The following APBA1 variants were observed in gnomAD, a reference collection of about 807,000 sequenced individuals.
The protein encoded by APBA1 is amyloid beta precursor protein binding family A member 1.
APBA1 carries 55 observed loss-of-function variants against 86.6 expected under a neutral mutation model. The observed-to-expected ratio is 0.64, with a 90% CI of 0.51 to 0.80. The LOEUF (loss-of-function observed/expected upper bound fraction) is 0.80. Ranked by LOEUF, APBA1 falls within the 30% of genes least tolerant of loss-of-function variation. APBA1 has a pLI of 0.00. For synonymous variants in APBA1, 511 were observed against 493.9 expected (o/e 1.03, Z -0.46); for missense variants, 1,090 against 1,183.0 (o/e 0.92, Z 1.15).
intron 8 of APBA1, among the ~76,000 whole-genome samples, chr9:69,455,333 T>C (rs531047950): frequency 6.6e-4 from 100 of 152,070 alleles, no homozygotes; most frequent in African/African-American, 2.3e-3. Context: ...AAAATTACTA[T>C]AGGGCTGTGG....
chr9:69,497,528 A>G (rs1475641), intron 2 of APBA1, among the ~76,000 whole-genome samples: 57,112 of 152,038 alleles, frequency 0.38, 12,360 homozygotes, highest in Non-Finnish European at 0.47. Context: ...CTCCATCCCC[A>G]AAGTCCGAGA....
intron 1 of APBA1, among the ~76,000 whole-genome samples, chr9:69,522,074 C>T (rs931763700): frequency 2.0e-5 from 3 of 151,006 alleles, no homozygotes; most frequent in African/African-American, 7.3e-5. Flanking sequence ...TTTATACACA[C>T]ACACACACAC....
chr9:69,611,921 T>C (rs1168889158), intron 1 of APBA1, among the ~76,000 whole-genome samples: 2 of 152,162 alleles, frequency 1.3e-5, no homozygotes, highest in Non-Finnish European at 2.9e-5. Flanking sequence ...AGTAAATAAT[T>C]AACAAATAAG....
At chr9:69,563,030 A>G (rs1836971559) in intron 1 of APBA1, among the ~76,000 whole-genome samples, 1 of 152,234 alleles carries the variant, frequency 6.6e-6, no homozygotes, top group African/African-American at 2.4e-5. Flanking sequence ...GAATCTAGTC[A>G]TCTCAAGATG....
rs1488495816 is a variant in APBA1, at chr9:69,656,991, G to A, written c.-70+15162C>T. 8.5e-5 allele frequency among the ~76,000 whole-genome samples: 13 copies of A among 152,158 alleles called. 1 individual carries two copies. In the South Asian group the frequency reaches 1.9e-3, roughly 22 times the overall value. On this transcript the variant is annotated intron_variant, in intron 1 of 12. Transcript: ENST00000265381. ...CTCCCGAGTAGCTGGGACTACAGGC[G>A]CCCGCCACCGCGCCCGGCTAATTTT... is the stretch of plus-strand genomic sequence containing the variant.
intron 1 of APBA1, among the ~76,000 whole-genome samples, chr9:69,636,000 C>T (rs561662575): frequency 6.6e-6 from 1 of 152,064 alleles, no homozygotes; most frequent in Admixed American, 6.6e-5. Context: ...AAAATATTTG[C>T]AAACTACCCA....
At chr9:69,450,751 T>C (rs1489038869) in intron 9 of APBA1, among the ~76,000 whole-genome samples, 1 of 152,154 alleles carries the variant, frequency 6.6e-6, no homozygotes, top group Non-Finnish European at 1.5e-5. Context: ...AATGAGGTGA[T>C]TAATATGGAC....
At chr9:69,460,136 T>C (rs1400470643) in intron 5 of APBA1, among the ~76,000 whole-genome samples, 2 of 152,162 alleles carry the variant, frequency 1.3e-5, no homozygotes, top group African/African-American at 4.8e-5. Context: ...TACTACCTCA[T>C]TGTAGAGAAA....
chr9:69,545,668 T>C (rs1338655204), intron 1 of APBA1, among the ~76,000 whole-genome samples: 1 of 152,248 alleles, frequency 6.6e-6, no homozygotes, highest in Non-Finnish European at 1.5e-5. Context: ...CCTATTCTGC[T>C]ACAATTTGTA....
At chr9:69,593,941 A>G (rs897447212) in intron 1 of APBA1, among the ~76,000 whole-genome samples, 4 of 152,188 alleles carry the variant, frequency 2.6e-5, no homozygotes, top group African/African-American at 9.7e-5. Flanking sequence ...TTAACTTTCT[A>G]TAGATTCCAA....
At position 69,587,112 on chromosome 9, in the gene APBA1, C is replaced by T. The variant is rs137936968; in HGVS notation, c.-69-69833G>A. 2.5e-3 allele frequency among the ~76,000 whole-genome samples: 378 copies of T among 152,310 alleles called. 3 individuals carry two copies. The highest frequency in any genetic ancestry group is 7.6e-3 in the African/African-American group (318 of 41,576). On this transcript the variant is annotated intron_variant, in intron 1 of 12. Coordinates refer to ENST00000265381, the MANE Select transcript of APBA1 (RefSeq NM_001163.4). ...TTTTTGCCACTGGCATCCATTCATCCTACTTCCCACAAGAGCTTTTTAAAG... is the reference window on the plus strand; with the variant it reads ...TTTTTGCCACTGGCATCCATTCATCTTACTTCCCACAAGAGCTTTTTAAAG...
chr9:69,432,583 T>A lies in APBA1; in HGVS notation c.2395A>T (p.Thr799Ser). 6.3e-7 allele frequency: 1 copy of A among 1,598,148 alleles called. No individual in the cohort carries two copies. The stretch of plus-strand genomic sequence containing the variant: ...ATGTGGACGATCTTCTCGTGGGGGG[T>A]GGCCACGACGCTCTGTCCATTGATT... ...IEINGQSVVA[T>S]PHEKIVHILS... The change falls in exon 12 of 13, where the codon ACC becomes TCC. Residue 799 changes from threonine to serine, a missense_variant. By Grantham distance (58) the Thr-to-Ser change is moderately conservative. This residue lies in a region of APBA1 where 119 missense variants were observed against 124.8 expected (regional missense o/e 0.95). Coordinates refer to ENST00000265381, the MANE Select transcript of APBA1 (RefSeq NM_001163.4).
chr9:69,463,677 T>C (rs2781537), intron 5 of APBA1: 80,176 of 151,892 alleles, frequency 0.53, 22,720 homozygotes, highest in African/African-American at 0.73. Context: ...TCACATCCAG[T>C]CACATCCATC....
chr9:69,654,442 G>A (rs542176308), intron 1 of APBA1, among the ~76,000 whole-genome samples: 2 of 151,710 alleles, frequency 1.3e-5, no homozygotes, highest in Non-Finnish European at 1.5e-5. Flanking sequence ...CTCCAGTTAG[G>A]AGCACTCCAG....
chr9:69,477,377 C>T (rs1195624511), intron 2 of APBA1, among the ~76,000 whole-genome samples: 1 of 151,378 alleles, frequency 6.6e-6, no homozygotes, highest in African/African-American at 2.4e-5. Flanking sequence ...CCTGGAAAAT[C>T]GGGTCACTCC....
At chr9:69,455,431 G>A (rs1378352044) in intron 8 of APBA1, among the ~76,000 whole-genome samples, 2 of 152,146 alleles carry the variant, frequency 1.3e-5, no homozygotes, top group African/African-American at 4.8e-5. Context: ...CTTAGTTCAG[G>A]CTGCAGTTTG....
At chr9:69,626,031 C>T (rs1039558570) in intron 1 of APBA1, among the ~76,000 whole-genome samples, 67 of 152,274 alleles carry the variant, frequency 4.4e-4, no homozygotes, top group African/African-American at 1.5e-3. Flanking sequence ...AAATGTCATT[C>T]TAGGTTTAGG....
At chr9:69,495,432 G>C (rs112570524) in intron 2 of APBA1, among the ~76,000 whole-genome samples, 1 of 152,214 alleles carries the variant, frequency 6.6e-6, no homozygotes, top group South Asian at 2.1e-4. Context: ...GCCTCCACTT[G>C]AGAGCCGAGG....
intron 10 of APBA1, among the ~76,000 whole-genome samples, chr9:69,444,625 A>G (rs1345499626): frequency 6.6e-6 from 1 of 152,206 alleles, no homozygotes; most frequent in Non-Finnish European, 1.5e-5. Context: ...TTTGCCTTTA[A>G]CACCAAATCT....
Sources: allele counts gnomAD v4.1 joint callset (sites outside exome capture counted in the v4.1 genomes callset), GRCh38; gene constraint gnomAD v4.1.1; regional missense constraint gnomAD v4.1.1; transcripts MANE v1.5; gene names NCBI Gene and HGNC (gene_info 2026-07-23, HGNC 2026-07-21).